The following SPAG9 variants were observed in gnomAD, a reference collection of about 807,000 sequenced individuals.
SPAG9 encodes sperm associated antigen 9.
Under a neutral mutation model 166.5 loss-of-function variants are expected in SPAG9, and 35 were observed. The observed-to-expected ratio is 0.21, with a 90% CI of 0.16 to 0.28. The LOEUF (loss-of-function observed/expected upper bound fraction) is 0.28. SPAG9 is among the 10% of genes least tolerant of loss of function. The pLI is 1.00. For synonymous variants in SPAG9, 534 were observed against 565.5 expected, an observed-to-expected ratio of 0.94 and a Z score of 0.79; for missense variants, 1,235 against 1,603.3, an observed-to-expected ratio of 0.77 and a Z score of 3.92.
At chr17:51,107,504 C>G (rs2048986732) in intron 1 of SPAG9, among the ~76,000 whole-genome samples, 1 of 151,800 alleles carries the variant, frequency 6.6e-6, no homozygotes, top group Admixed American at 6.6e-5. Context: ...TTTGGGAGGC[C>G]AAGGTGGGCA....
Position 51,047,386 on chromosome 17 carries a change from A to G in SPAG9, c.579T>C (p.His193=). The part of the protein sequence containing the change: ...SGSDQLESTA[H]SRIRKERPIS... ...ATAACAAAGCTTACCTAATTCTACT[A>G]TGAGCTGTGGATTCTAGTTGATCAC... The change falls in exon 4 of 30, where the codon CAT becomes CAC. Residue 193 remains histidine (H), a synonymous_variant. Coordinates refer to ENST00000262013, the MANE Select transcript of SPAG9 (RefSeq NM_001130528.3). The G allele has an allele frequency of 1.9e-6, 3 of 1,560,382 alleles. No homozygotes were observed. The highest frequency in any genetic ancestry group is 2.3e-5 in the East Asian group (1 of 43,650).
At chr17:51,041,402 C>T in intron 5 of SPAG9, 99 bp downstream of exon 5, 2 of 1,113,468 alleles carry the variant, frequency 1.8e-6, no homozygotes, top group Non-Finnish European at 2.5e-6. Flanking sequence ...TGTATACAAA[C>T]AATTACATTT....
chr17:50,990,650 T>C lies in SPAG9; in HGVS notation c.2417A>G (p.Tyr806Cys), dbSNP rs1283946092. 1 of 1,614,052 alleles carries C rather than the reference T, an allele frequency of 6.2e-7. No individual in the cohort carries two copies. Residue 806 changes from tyrosine (Y) to cysteine (C), a missense_variant, in exon 20 of 30, where the codon TAC becomes TGC. Coordinates refer to ENST00000262013, the MANE Select transcript of SPAG9 (RefSeq NM_001130528.3). ...ASVPGARETD[Y>C]PAGEDLSESG... Reference sequence around the variant, plus strand: ...TTCTGAAAGATCTTCTCCTGCAGGGTAGTCTGTTTCTCGTGCACCTGAAAA... The same window carrying C: ...TTCTGAAAGATCTTCTCCTGCAGGGCAGTCTGTTTCTCGTGCACCTGAAAA...
chr17:51,089,927 C>T (rs967337801), intron 1 of SPAG9, among the ~76,000 whole-genome samples: 2 of 151,304 alleles, frequency 1.3e-5, no homozygotes, highest in African/African-American at 4.9e-5. Flanking sequence ...ATCCACCTGC[C>T]TTAGCCTCCC....
chr17:50,971,755 T>C (rs1275811475), intron 28 of SPAG9, among the ~76,000 whole-genome samples: 3 of 151,910 alleles, frequency 2.0e-5, no homozygotes, highest in Admixed American at 1.3e-4. Flanking sequence ...CCACTGCACC[T>C]GGCCCAAATT....
In SPAG9 at chr17:50,970,813, C is replaced by T. The variant is rs1567947589; in HGVS notation, c.3744G>A (p.Leu1248=). 1 of 1,614,112 alleles carries T rather than the reference C, an allele frequency of 6.2e-7. No individual in the cohort carries two copies. Among genetic ancestry groups the T allele is most frequent in the Admixed American group, 1.7e-5 (1 of 60,028 alleles). The change falls in exon 29 of 30, where the codon CTG becomes CTA. Residue 1248 remains leucine (L), a synonymous_variant. Coordinates refer to ENST00000262013, the MANE Select transcript of SPAG9 (RefSeq NM_001130528.3). ...SPQSSSSGTD[L]TGDKAGPSAQ... Reference sequence around the variant, plus strand: ...CAGATGGCCCTGCTTTGTCACCCGTCAGATCCGTGCCACTACTGCTACTTT... The same window carrying T: ...CAGATGGCCCTGCTTTGTCACCCGTTAGATCCGTGCCACTACTGCTACTTT...
chr17:51,038,782 A>T (rs1187386099), intron 5 of SPAG9, among the ~76,000 whole-genome samples: 1 of 151,886 alleles, frequency 6.6e-6, no homozygotes, highest in African/African-American at 2.4e-5. Flanking sequence ...CTTACTAATT[A>T]CTCTTTAGCT....
intron 8 of SPAG9, among the ~76,000 whole-genome samples, chr17:51,019,843 A>G (rs1345542323): frequency 6.6e-6 from 1 of 152,140 alleles, no homozygotes; most frequent in Non-Finnish European, 1.5e-5. Context: ...CAAGAGCGAA[A>G]CTCTGTCTCA....
intron 9 of SPAG9, among the ~76,000 whole-genome samples, 170 bp from the exon 10 acceptor site, chr17:51,007,496 A>C (rs1383825944): frequency 2.0e-5 from 3 of 152,080 alleles, no homozygotes; most frequent in African/African-American, 7.2e-5. Context: ...AGATTATAAA[A>C]TTATAAATAA....
intron 21 of SPAG9, among the ~76,000 whole-genome samples, chr17:50,987,519 C>T (rs1238744291): frequency 3.3e-5 from 4 of 119,698 alleles, no homozygotes; most frequent in Non-Finnish European, 7.1e-5. Context: ...AACTTTTAGT[C>T]AAAAAAAAAA....
At chr17:51,092,350 C>A (rs956720687) in intron 1 of SPAG9, among the ~76,000 whole-genome samples, 6 of 2,776 alleles carry the variant, frequency 2.2e-3, no homozygotes, top group African/African-American at 0.019. Context: ...AAAAAAGAAC[C>A]ATTATATAAA....
chr17:51,054,892 A>G (rs770999281), intron 3 of SPAG9, among the ~76,000 whole-genome samples: 5 of 152,188 alleles, frequency 3.3e-5, no homozygotes, highest in Non-Finnish European at 7.3e-5. Flanking sequence ...TTATTAAGCT[A>G]AGATTGTAAT....
intron 8 of SPAG9, among the ~76,000 whole-genome samples, chr17:51,017,771 T>C (rs1293598300): frequency 6.6e-6 from 1 of 152,194 alleles, no homozygotes; most frequent in East Asian, 1.9e-4. Flanking sequence ...TTATCATATA[T>C]TGATTCATTT....
chr17:51,041,691 T>G (rs772838835), intron 4 of SPAG9, 40 bp from the exon 5 acceptor site: 19 of 1,600,470 alleles, frequency 1.2e-5, no homozygotes, highest in Non-Finnish European at 1.5e-5. Context: ...ATTCATTTAT[T>G]TTGACTTTTT....
Position 51,001,716 on chromosome 17 carries a change from G to A in SPAG9, c.1606C>T (p.Arg536Trp), listed in dbSNP as rs1393548528. The change falls in exon 13 of 30, where the codon CGG (arginine) becomes TGG (tryptophan). Residue 536 changes from arginine to tryptophan, a missense_variant and splice_region_variant. Transcript: ENST00000262013. ...TAATGGAGCGCTTGTCATACAAACC[G>A]AATCATCTCTGTCCATCGAACAGCT... ...QEAVRWTEMI[R>W]ASRENPAMQE... 2 of 1,602,326 alleles carry A rather than the reference G, an allele frequency of 1.2e-6. No individual in the cohort carries two copies. The highest frequency in any genetic ancestry group is 2.2e-5 in the East Asian group (1 of 44,692).
intron 1 of SPAG9, among the ~76,000 whole-genome samples, chr17:51,116,565 C>A (rs1462435225): frequency 1.3e-5 from 2 of 152,038 alleles, no homozygotes; most frequent in Admixed American, 1.3e-4. Flanking sequence ...CCAGGAGTTC[C>A]AGACCAGACT....
At chr17:51,001,867 A>T (rs757793368) in intron 12 of SPAG9, 22 bp from the exon 13 acceptor site, 1 of 1,605,912 alleles carries the variant, frequency 6.2e-7, no homozygotes, top group South Asian at 1.1e-5. Context: ...AGAAAATGAC[A>T]TATCATTCTG....
chr17:51,024,813 C>G (rs1036436844), intron 6 of SPAG9, among the ~76,000 whole-genome samples: 1 of 151,672 alleles, frequency 6.6e-6, no homozygotes, highest in East Asian at 1.9e-4. Context: ...CTGGGCAACA[C>G]AGCAAGATCC....
At chr17:51,070,956 T>C (rs896353378) in intron 2 of SPAG9, among the ~76,000 whole-genome samples, 7 of 152,148 alleles carry the variant, frequency 4.6e-5, no homozygotes, top group Admixed American at 2.6e-4. Flanking sequence ...AAAATACTTA[T>C]GATAATGTTA....
Sources: allele counts gnomAD v4.1 joint callset (sites outside exome capture counted in the v4.1 genomes callset), GRCh38; gene constraint gnomAD v4.1.1; transcripts MANE v1.5; gene names NCBI Gene and HGNC (gene_info 2026-07-23, HGNC 2026-07-21).